The following COL6A3 variants were observed in gnomAD, a reference collection of about 807,000 sequenced individuals.
COL6A3 encodes the protein collagen type VI alpha 3 chain.
A neutral mutation model predicts 274.1 loss-of-function variants in COL6A3; 137 were observed. The observed-to-expected ratio is 0.50, with a 90% CI of 0.44 to 0.58. The LOEUF (loss-of-function observed/expected upper bound fraction) is 0.58. Ranked by LOEUF, COL6A3 falls within the 20% of genes least tolerant of loss-of-function variation. COL6A3 has a pLI of 0.00. For synonymous variants in COL6A3, 1,650 were observed against 1,650.6 expected, an observed-to-expected ratio of 1.00 and a Z score of 0.01; for missense variants, 3,950 against 4,124.9, an observed-to-expected ratio of 0.96 and a Z score of 1.16.
At chr2:237,348,244 T>G (rs1559212068) in intron 30 of COL6A3, 105 bp downstream of exon 30, 1 of 929,092 alleles carries the variant, frequency 1.1e-6, no homozygotes, top group Non-Finnish European at 1.7e-6. Flanking sequence ...GTTAACTGAG[T>G]GGCTGACCCA....
intron 4 of COL6A3, among the ~76,000 whole-genome samples, chr2:237,382,644 G>A (rs1202498427): frequency 6.6e-6 from 1 of 152,214 alleles, no homozygotes; most frequent in South Asian, 2.1e-4. Flanking sequence ...GGACTGTTTT[G>A]CAAAAGAGTC....
chr2:237,364,221 G>A lies in COL6A3; in HGVS notation c.5917+129C>T. 1 of 766,740 alleles carries A rather than the reference G, an allele frequency of 1.3e-6. No homozygotes were observed. The allele number at this position is 766,740 out of a possible 1,614,324, so 47.5% of individuals were successfully genotyped here. A position where few individuals can be genotyped will look rare whatever the true frequency, so the allele number is the denominator to read the frequency against. ...GTGATGAAGGGCCACAACGCTGGGA[G>A]GAAGAGTCTCCCAAGACAACGCTGC... On this transcript the variant is annotated intron_variant, in intron 13 of 43. Transcript: ENST00000295550. This position sits in a 1 kb window ranked among gnomAD's most constrained non-coding sequence, Gnocchi z 4.6.
chr2:237,410,665 T>C (rs1288556109), intron 1 of COL6A3, among the ~76,000 whole-genome samples: 3 of 152,190 alleles, frequency 2.0e-5, no homozygotes, highest in Admixed American at 2.0e-4. Flanking sequence ...AAAAATTATA[T>C]TTTTCAAAAT....
At position 237,374,281 on chromosome 2, in the gene COL6A3, T is replaced by C. The variant is rs2077771672; in HGVS notation, c.3679+131A>G. The stretch of plus-strand genomic sequence containing the variant: ...CAAAAAGGGCATGTGGGTTCCTAAA[T>C]TTTCCTGTAATTTTAGTTTTCACTT... On this transcript the variant is annotated intron_variant, in intron 8 of 43. Coordinates refer to ENST00000295550, the MANE Select transcript of COL6A3 (RefSeq NM_004369.4). This position sits in a 1 kb window ranked among gnomAD's most constrained non-coding sequence, Gnocchi z 4.8. 1 of 1,372,712 alleles carries C rather than the reference T, an allele frequency of 7.3e-7. No homozygotes were observed. Among genetic ancestry groups the C allele is most frequent in the African/African-American group, 1.4e-5 (1 of 70,320 alleles). The allele number at this position is 1,372,712 out of a possible 1,614,324, so 85.0% of individuals were successfully genotyped here.
chr2:237,338,349 C>A (rs1214020377), intron 39 of COL6A3, among the ~76,000 whole-genome samples: 1 of 152,176 alleles, frequency 6.6e-6, no homozygotes, highest in Non-Finnish European at 1.5e-5. Context: ...CCACTCTAGA[C>A]CAGCAGCTCT....
intron 1 of COL6A3, among the ~76,000 whole-genome samples, chr2:237,404,630 A>G (rs1042589234): frequency 2.6e-5 from 4 of 152,214 alleles, no homozygotes; most frequent in Non-Finnish European, 4.4e-5. Flanking sequence ...GGGAGCATTG[A>G]CAAAGAGCAC....
At chr2:237,347,970 T>C in intron 30 of COL6A3, 101 bp from the exon 31 acceptor site, 1 of 1,095,236 alleles carries the variant, frequency 9.1e-7, no homozygotes, top group Non-Finnish European at 1.4e-6. Flanking sequence ...GGTCACACTT[T>C]TCCCGGGCAG....
At chr2:237,342,259 A>T in intron 36 of COL6A3, 98 bp from the exon 37 acceptor site, 1 of 931,702 alleles carries the variant, frequency 1.1e-6, no homozygotes, top group Non-Finnish European at 1.7e-6. Context: ...TCAATAAAAT[A>T]GATTAACTTC....
At position 237,359,381 on chromosome 2, in the gene COL6A3, C is replaced by G. The variant is rs79375816; in HGVS notation, c.6290G>C (p.Arg2097Pro). The G allele has an allele frequency of 3.1e-6, 5 of 1,613,698 alleles. No individual in the cohort carries two copies. The East Asian group carries it at 8.9e-5, about 29-fold the overall frequency. The change falls in exon 18 of 44, where the codon CGG (arginine) becomes CCG (proline). Residue 2097 changes from arginine (R) to proline (P), a missense_variant. Coordinates refer to ENST00000295550, the MANE Select transcript of COL6A3 (RefSeq NM_004369.4). ...GCATACCTTCTCTCCTGGGAATCCC[C>G]GAGAGCCCTAGAAGGCAAGGCGATA... ...CPGQRGVKGS[R>P]GFPGEKGEVG...
chr2:237,411,713 A>C (rs1224004625), intron 1 of COL6A3, among the ~76,000 whole-genome samples: 1 of 152,240 alleles, frequency 6.6e-6, no homozygotes, highest in Non-Finnish European at 1.5e-5. Flanking sequence ...AATGCTTTAG[A>C]AATAAAATGA....
chr2:237,329,771 A>G (rs754369892), intron 42 of COL6A3: 2 of 152,210 alleles, frequency 1.3e-5, no homozygotes, highest in Non-Finnish European at 2.9e-5. Flanking sequence ...AAGTAACACA[A>G]AATGCTACCA....
intron 42 of COL6A3, 182 bp from the exon 43 acceptor site, chr2:237,325,906 A>G (rs1459446808): frequency 3.5e-6 from 2 of 576,374 alleles, no homozygotes; most frequent in Admixed American, 3.1e-5. Flanking sequence ...GGACATAGGA[A>G]TTGCTTACAG....
Position 237,344,362 on chromosome 2 carries a change from G to C in COL6A3, c.7656C>G (p.Ile2552Met). The C allele has an allele frequency of 6.2e-7, 1 of 1,614,210 alleles. No homozygotes were observed. The highest frequency in any genetic ancestry group is 8.5e-7 in the Non-Finnish European group (1 of 1,180,042). Residue 2552 changes from isoleucine (I) to methionine (M), a missense_variant, in exon 36 of 44, where the codon ATC becomes ATG. Physicochemically the swap from Ile to Met is conservative, Grantham distance 10. Around this residue, in one of 5 missense-constraint regions of COL6A3, gnomAD observed 1,284 missense variants for 1,349.7 expected, o/e 0.95. Coordinates refer to ENST00000295550, the MANE Select transcript of COL6A3 (RefSeq NM_004369.4). This position sits in a 1 kb window ranked among gnomAD's most constrained non-coding sequence, Gnocchi z 4.8. ...ACAGAGCACAGACCTGCAAAGCGTT[G>C]ATGAGCTGCCGGTCTTCCTGCCTTG... is the stretch of plus-strand genomic sequence containing the variant. ...FLTRQEDRQL[I>M]NALQINNTAV... is the part of the protein sequence containing the mutation.
Position 237,361,766 on chromosome 2 carries a change from G to C in COL6A3, c.6129C>G (p.Arg2043=). The C allele has an allele frequency of 6.2e-7, 1 of 1,614,210 alleles. No individual in the cohort carries two copies. Among genetic ancestry groups the C allele is most frequent in the South Asian group, 1.1e-5 (1 of 91,082 alleles). ...TTGGCCCGATGCTGCCGATGGGCCC[G>C]CGGTCTCCCCTCTGCCCAGAGCACT... ...PCKCSGQRGD[R]GPIGSIGPKG... Residue 2043 remains arginine (R), a synonymous_variant, in exon 15 of 44, where the codon CGC becomes CGG. Coordinates refer to ENST00000295550, the MANE Select transcript of COL6A3 (RefSeq NM_004369.4). The surrounding 1 kb of genome is among the most constrained non-coding windows in gnomAD (Gnocchi z 5.1).
intron 1 of COL6A3, among the ~76,000 whole-genome samples, chr2:237,410,866 G>T (rs772595204): frequency 2.0e-5 from 3 of 152,200 alleles, no homozygotes; most frequent in Non-Finnish European, 4.4e-5. Flanking sequence ...TGGAAACAGA[G>T]AAGCTGTATC....
At chr2:237,325,421 G>A (rs1699887714) in intron 43 of COL6A3, 139 bp downstream of exon 43, 7 of 985,364 alleles carry the variant, frequency 7.1e-6, no homozygotes, top group South Asian at 5.6e-5. Context: ...GTATTTGAAC[G>A]TCTTCCTTAT....
In COL6A3 at chr2:237,394,627, T is replaced by G. The variant is rs1246288754; in HGVS notation, c.669A>C (p.Pro223=). ...GGGTTTCCGTGTCCCCAGCCCTTTC[T>G]GGACTCACGGATGAATGCACACAGG... ...LVSCVHSSVS[P]ERAGDTETLK... Residue 223 remains proline (P), a synonymous_variant, in exon 3 of 44, where the codon CCA becomes CCC. Coordinates refer to ENST00000295550, the MANE Select transcript of COL6A3 (RefSeq NM_004369.4). 3 of 1,614,220 alleles carry G rather than the reference T, an allele frequency of 1.9e-6. No homozygotes were observed. Among genetic ancestry groups the G allele is most frequent in the Non-Finnish European group, 1.7e-6 (2 of 1,180,036 alleles).
At chr2:237,331,026 A>T (rs936986729) in intron 42 of COL6A3, among the ~76,000 whole-genome samples, 1 of 152,242 alleles carries the variant, frequency 6.6e-6, no homozygotes, top group African/African-American at 2.4e-5. Context: ...CTACTATTTA[A>T]TACTAAGAAA....
chr2:237,377,058 A>G lies in COL6A3; in HGVS notation c.2784T>C (p.Phe928=). 6.2e-7 allele frequency: 1 copy of G among 1,614,202 alleles called. No individual in the cohort carries two copies. The highest frequency in any genetic ancestry group is 1.1e-5 in the South Asian group (1 of 91,086). The stretch of plus-strand genomic sequence containing the variant: ...CGATCCGGCTGCCAGCAGACTTCAC[A>G]AAAATGTACCTCTGTGCATAGTCCA... ...YALDYAQRYI[F]VKSAGSRIED... Residue 928 remains phenylalanine, a synonymous_variant, in exon 7 of 44, where the codon TTT becomes TTC. Transcript: ENST00000295550.
Sources: allele counts gnomAD v4.1 joint callset (sites outside exome capture counted in the v4.1 genomes callset), GRCh38; gene constraint gnomAD v4.1.1; regional missense constraint gnomAD v4.1.1; non-coding constraint Gnocchi (gnomAD v3.1); transcripts MANE v1.5; gene names NCBI Gene and HGNC (gene_info 2026-07-23, HGNC 2026-07-21).